Variants in THSD7B observed in about 807,000 individuals in gnomAD.
THSD7B encodes thrombospondin type 1 domain containing 7B, also known as thrombospondin type-1 domain-containing protein 7B.
A neutral mutation model predicts 213.6 loss-of-function variants in THSD7B; 138 were observed. The ratio of observed to expected loss-of-function variants is 0.65; its 90% CI spans 0.56 to 0.74. THSD7B has a LOEUF of 0.74. Among genes scored for constraint, THSD7B ranks in the 30% least tolerant of loss-of-function variants. The pLI, the probability that THSD7B is intolerant of heterozygous loss-of-function variation, is 0.00. For synonymous variants in THSD7B, 742 were observed against 687.0 expected (o/e 1.08, Z -1.25); for missense variants, 1,931 against 1,991.5 (o/e 0.97, Z 0.58).
chr2:137,674,304 C>G (rs1245646444), intron 27 of THSD7B, among the ~76,000 whole-genome samples: 1 of 150,142 alleles, frequency 6.7e-6, no homozygotes, highest in Non-Finnish European at 1.5e-5. Context: ...TTGCTCCCTT[C>G]CCGCAGAAAA....
intron 1 of THSD7B, among the ~76,000 whole-genome samples, chr2:136,874,257 G>T (rs1426578856): frequency 6.6e-6 from 1 of 152,166 alleles, no homozygotes; most frequent in East Asian, 1.9e-4. Flanking sequence ...CCATGCCTCA[G>T]TTTTCTTATC....
At chr2:137,570,096 T>G (rs1283559945) in intron 16 of THSD7B, among the ~76,000 whole-genome samples, 2 of 151,820 alleles carry the variant, frequency 1.3e-5, no homozygotes, top group Admixed American at 1.3e-4. Context: ...GAAATTAAAG[T>G]CCATAGTTAT....
chr2:137,568,263 A>G (rs1359407941), intron 16 of THSD7B, among the ~76,000 whole-genome samples: 2 of 152,102 alleles, frequency 1.3e-5, no homozygotes, highest in African/African-American at 4.8e-5. Flanking sequence ...GCCTTAAAGC[A>G]GTTTTGCAAT....
intron 2 of THSD7B, among the ~76,000 whole-genome samples, chr2:137,003,483 C>T (rs554972584): frequency 1.3e-5 from 2 of 152,292 alleles, no homozygotes; most frequent in East Asian, 1.9e-4. Context: ...CAGAATCTCT[C>T]ATTTGAAATA....
Position 137,627,087 on chromosome 2 carries a change from G to A in THSD7B, c.3799+6361G>A, listed in dbSNP as rs1374828982. 2.0e-5 allele frequency among the ~76,000 whole-genome samples: 3 copies of A among 152,178 alleles called. No homozygotes were observed. In the East Asian group the frequency reaches 5.8e-4, roughly 29 times the overall value. ...CATGACAGAAAGCGGAAGGGGAGCAGGCATGTGCAAAACAGTCACATGGTG... is the reference window on the plus strand; with the variant it reads ...CATGACAGAAAGCGGAAGGGGAGCAAGCATGTGCAAAACAGTCACATGGTG... On this transcript the variant is annotated intron_variant, in intron 20 of 27. Coordinates refer to ENST00000409968, the MANE Select transcript of THSD7B (RefSeq NM_001316349.2).
At chr2:137,057,648 A>T (rs1167882323) in intron 3 of THSD7B, among the ~76,000 whole-genome samples, 5 of 152,120 alleles carry the variant, frequency 3.3e-5, no homozygotes, top group African/African-American at 1.2e-4. Context: ...GTCCTTTAAA[A>T]TTTTATTTTT....
At chr2:136,807,800 C>T (rs1044325093) in intron 1 of THSD7B, among the ~76,000 whole-genome samples, 3 of 152,296 alleles carry the variant, frequency 2.0e-5, no homozygotes, top group Admixed American at 1.3e-4. Flanking sequence ...GCCACCACAC[C>T]TGGCCACAAA....
intron 3 of THSD7B, among the ~76,000 whole-genome samples, chr2:137,062,126 A>G (rs1162228926): frequency 6.6e-6 from 1 of 151,680 alleles, no homozygotes; most frequent in Non-Finnish European, 1.5e-5. Context: ...AAATTTAGGG[A>G]CATAGAGTTG....
At chr2:136,957,987 G>C (rs1358607791) in intron 2 of THSD7B, among the ~76,000 whole-genome samples, 1 of 152,122 alleles carries the variant, frequency 6.6e-6, no homozygotes, top group Non-Finnish European at 1.5e-5. Flanking sequence ...AAATTTAACA[G>C]AGTTCTCCAT....
intron 2 of THSD7B, among the ~76,000 whole-genome samples, chr2:136,925,652 G>A (rs369644521): frequency 7.9e-5 from 12 of 152,230 alleles, no homozygotes; most frequent in South Asian, 6.2e-4. Flanking sequence ...CTGTGCCTTC[G>A]TGTGATTTTG....
chr2:136,858,583 A>G (rs1014443346), intron 1 of THSD7B, among the ~76,000 whole-genome samples: 5 of 152,186 alleles, frequency 3.3e-5, no homozygotes, highest in African/African-American at 1.2e-4. Flanking sequence ...TGCCAATACC[A>G]TATTTTATTT....
intron 4 of THSD7B, 86 bp downstream of exon 4, chr2:137,095,207 C>T (rs1482487252): frequency 6.6e-7 from 1 of 1,526,700 alleles, no homozygotes; most frequent in Admixed American, 2.0e-5. Context: ...GTAGCTGTGA[C>T]TCATATTTAT....
At chr2:136,811,227 A>T (rs1010998671) in intron 1 of THSD7B, among the ~76,000 whole-genome samples, 2 of 152,118 alleles carry the variant, frequency 1.3e-5, no homozygotes, top group Non-Finnish European at 2.9e-5. Context: ...CTAGATGCCT[A>T]TCCTGTTTGT....
At chr2:137,634,874 G>A (rs1312728344) in intron 20 of THSD7B, among the ~76,000 whole-genome samples, 3 of 152,128 alleles carry the variant, frequency 2.0e-5, no homozygotes, top group South Asian at 2.1e-4. Flanking sequence ...ATATGATCTA[G>A]TCTGATATGC....
intron 17 of THSD7B, among the ~76,000 whole-genome samples, chr2:137,576,639 T>C (rs1466065269): frequency 6.6e-6 from 1 of 152,146 alleles, no homozygotes; most frequent in Non-Finnish European, 1.5e-5. Flanking sequence ...TATTCTTTTC[T>C]GTAACTCTTT....
intron 10 of THSD7B, among the ~76,000 whole-genome samples, chr2:137,264,538 G>A (rs975806572): frequency 2.6e-4 from 39 of 152,162 alleles, no homozygotes; most frequent in African/African-American, 8.9e-4. Flanking sequence ...GTGAGCCACC[G>A]CGCCCAGCCA....
intron 12 of THSD7B, among the ~76,000 whole-genome samples, chr2:137,328,404 A>G (rs1684420233): frequency 6.6e-6 from 1 of 152,230 alleles, no homozygotes; most frequent in Non-Finnish European, 1.5e-5. Flanking sequence ...TTGAAATGTA[A>G]TTTAAAACGT....
intron 7 of THSD7B, among the ~76,000 whole-genome samples, chr2:137,229,995 A>G (rs1681601551): frequency 6.6e-6 from 1 of 152,278 alleles, no homozygotes; most frequent in South Asian, 2.1e-4. Flanking sequence ...TCTCTCCTAT[A>G]GTTGCCATTT....
At chr2:136,946,385 C>T (rs515428) in intron 2 of THSD7B, among the ~76,000 whole-genome samples, 75,795 of 151,750 alleles carry the variant, frequency 0.5, 19,801 homozygotes, top group Non-Finnish European at 0.58. Context: ...ACCTGTATGA[C>T]GTGTCAGTCA....
Sources: gnomAD v4.1 joint callset for allele counts (sites outside exome capture counted in the v4.1 genomes callset) on GRCh38, gnomAD v4.1.1 for gene constraint, MANE v1.5 for transcripts, NCBI Gene and HGNC (gene_info 2026-07-23, HGNC 2026-07-21) for gene names.